Variants in HDAC8 observed in about 807,000 individuals in gnomAD.
The protein encoded by HDAC8 is histone deacetylase-like 1.
HDAC8 carries 1 observed loss-of-function variant against 32.2 expected under a neutral mutation model. The observed-to-expected ratio is 0.03, with a 90% CI of 0.01 to 0.15. The LOEUF is 0.15. Among genes scored for constraint, HDAC8 ranks in the 10% least tolerant of loss-of-function variants. The pLI is 1.00. For missense variants in HDAC8, 117 were observed against 300.0 expected, an observed-to-expected ratio of 0.39 and a Z score of 4.51; for synonymous variants, 108 against 113.9, an observed-to-expected ratio of 0.95 and a Z score of 0.33.
chrX:72,337,818 T>C (rs1181004286), intron 10 of HDAC8, among the ~76,000 whole-genome samples: 1 of 112,212 alleles, frequency 8.9e-6, no homozygotes, highest in East Asian at 2.8e-4. Context: ...TCCTGTCTCC[T>C]ACCACCACCC....
In HDAC8 at chrX:72,568,016, C is replaced by T. The variant is rs1394451683; in HGVS notation, c.310G>A (p.Ala104Thr). The T allele has an allele frequency of 2.5e-6, 3 of 1,209,292 alleles. No individual in the cohort carries two copies. Among genetic ancestry groups the T allele is most frequent in the Non-Finnish European group, 3.4e-6 (3 of 895,037 alleles). ...IEYGLGYDCP[A>T]TEGIFDYAAA... is the part of the protein sequence containing the mutation. The stretch of plus-strand genomic sequence containing the variant: ...GCATAGTCAAATATCCCTTCAGTGG[C>T]TGGGCAGTCATAACCTTAGGGCAAA... Residue 104 changes from alanine to threonine, a missense_variant, in exon 4 of 11, where the codon GCC becomes ACC. Around this residue, in one of 4 missense-constraint regions of HDAC8, gnomAD observed 57 missense variants for 182.0 expected, o/e 0.31. Coordinates refer to ENST00000373573, the MANE Select transcript of HDAC8 (RefSeq NM_018486.3).
chrX:72,402,912 C>T (rs1327221312), intron 9 of HDAC8, among the ~76,000 whole-genome samples: 1 of 111,576 alleles, frequency 9.0e-6, no homozygotes, highest in Non-Finnish European at 1.9e-5. Context: ...TGTTTCATCT[C>T]CAGTAATTAA....
At chrX:72,480,119 C>A (rs1259328528) in intron 7 of HDAC8, among the ~76,000 whole-genome samples, 1 of 112,003 alleles carries the variant, frequency 8.9e-6, no homozygotes, top group Admixed American at 9.5e-5. Context: ...ATCTGCCATA[C>A]CCCGGAGAGG....
At chrX:72,442,643 C>A (rs1162659884) in intron 9 of HDAC8, among the ~76,000 whole-genome samples, 4 of 111,609 alleles carry the variant, frequency 3.6e-5, no homozygotes, top group Admixed American at 2.9e-4. Context: ...AGCAAAATAA[C>A]CAGCTAACAT....
chrX:72,383,674 C>T (rs995296341), intron 9 of HDAC8, among the ~76,000 whole-genome samples: 5 of 109,685 alleles, frequency 4.6e-5, no homozygotes, highest in Non-Finnish European at 5.7e-5. Flanking sequence ...ATCGAGACCA[C>T]CCTGGCTAAC....
intron 4 of HDAC8, among the ~76,000 whole-genome samples, chrX:72,534,228 C>T (rs1268817962): frequency 9.5e-6 from 1 of 105,572 alleles, no homozygotes; most frequent in African/African-American, 3.5e-5. Flanking sequence ...TAGCAATTAA[C>T]AATCCAAAAA....
chrX:72,356,427 C>T (rs782038689), intron 9 of HDAC8, among the ~76,000 whole-genome samples: 32 of 112,001 alleles, frequency 2.9e-4, no homozygotes, highest in Non-Finnish European at 4.9e-4. Context: ...CCTGCTAAGG[C>T]ATTTGGCTTT....
At chrX:72,358,109 G>A (rs1366686811) in intron 9 of HDAC8, among the ~76,000 whole-genome samples, 3 of 110,084 alleles carry the variant, frequency 2.7e-5, no homozygotes, top group African/African-American at 9.9e-5. Context: ...GTTTCACCAT[G>A]TTGGCCAGGC....
intron 4 of HDAC8, among the ~76,000 whole-genome samples, chrX:72,520,147 G>C (rs1455345822): frequency 8.9e-6 from 1 of 111,774 alleles, no homozygotes; most frequent in Non-Finnish European, 1.9e-5. Flanking sequence ...CCATGCTTTT[G>C]TTGTTATATG....
At chrX:72,335,477 T>C (rs3012666) in intron 10 of HDAC8, among the ~76,000 whole-genome samples, 8,246 of 112,064 alleles carry the variant, frequency 0.074, 750 homozygotes, top group African/African-American at 0.25. Context: ...CATGTCTTTT[T>C]GTGGTTTGAT....
intron 10 of HDAC8, among the ~76,000 whole-genome samples, chrX:72,332,794 G>C (rs1380156409): frequency 9.0e-6 from 1 of 110,640 alleles, no homozygotes; most frequent in African/African-American, 3.3e-5. Flanking sequence ...TGGGATTACA[G>C]GCATGTGCCA....
chrX:72,550,527 A>G (rs187073250), intron 4 of HDAC8, among the ~76,000 whole-genome samples: 2 of 110,717 alleles, frequency 1.8e-5, no homozygotes, highest in East Asian at 5.7e-4. Flanking sequence ...AAACACACAC[A>G]CAAACACATA....
chrX:72,478,221 AT>A (rs1556001481), intron 7 of HDAC8, among the ~76,000 whole-genome samples: 1 of 112,426 alleles, frequency 8.9e-6, no homozygotes, highest in African/African-American at 3.2e-5. Flanking sequence ...TGATATGCTA[AT>A]TACAAATGAT....
At chrX:72,557,540 C>G (rs782319614) in intron 4 of HDAC8, among the ~76,000 whole-genome samples, 21 of 111,216 alleles carry the variant, frequency 1.9e-4, no homozygotes, top group African/African-American at 6.9e-4. Flanking sequence ...AATAGTGACA[C>G]AACCTATCAA....
chrX:72,339,462 A>G (rs782623298), intron 10 of HDAC8, among the ~76,000 whole-genome samples: 4 of 112,645 alleles, frequency 3.6e-5, no homozygotes, highest in Non-Finnish European at 7.5e-5. Flanking sequence ...AAAAGAGGGC[A>G]TAAGAGGCTT....
chrX:72,489,430 T>C (rs1027194935), intron 6 of HDAC8, among the ~76,000 whole-genome samples: 2 of 111,357 alleles, frequency 1.8e-5, no homozygotes, highest in Non-Finnish European at 3.8e-5. Flanking sequence ...AATGTCATTC[T>C]TCTTGTTATT....
intron 7 of HDAC8, among the ~76,000 whole-genome samples, chrX:72,470,533 G>A (rs2048142677): frequency 9.0e-6 from 1 of 111,556 alleles, no homozygotes; most frequent in African/African-American, 3.3e-5. Context: ...AATTCCTGCT[G>A]ATTCAGTTCC....
intron 4 of HDAC8, among the ~76,000 whole-genome samples, chrX:72,508,398 A>G (rs1003431269): frequency 8.9e-6 from 1 of 112,466 alleles, no homozygotes; most frequent in Non-Finnish European, 1.9e-5. Context: ...CATTGAACAA[A>G]TGAGAAAACT....
intron 8 of HDAC8, among the ~76,000 whole-genome samples, chrX:72,463,579 T>C (rs1196514428): frequency 2.7e-5 from 3 of 111,939 alleles, no homozygotes; most frequent in Non-Finnish European, 3.8e-5. Flanking sequence ...ACACAGTACT[T>C]ATCAATTTTA....
Sources: allele counts gnomAD v4.1 joint callset (sites outside exome capture counted in the v4.1 genomes callset), GRCh38; gene constraint gnomAD v4.1.1; regional missense constraint gnomAD v4.1.1; transcripts MANE v1.5; gene names NCBI Gene and HGNC (gene_info 2026-07-23, HGNC 2026-07-21).